ARHGAP32: variants seen among roughly 807,000 people sequenced by gnomAD.
The protein encoded by ARHGAP32 is Rho GTPase activating protein 32.
A neutral mutation model predicts 186.5 loss-of-function variants in ARHGAP32; 51 were observed. The ratio of observed to expected loss-of-function variants is 0.27; its 90% CI spans 0.22 to 0.35. The LOEUF is 0.35. Among genes scored for constraint, ARHGAP32 ranks in the 10% least tolerant of loss-of-function variants. The pLI, the probability that ARHGAP32 is intolerant of heterozygous loss-of-function variation, is 1.00. For missense variants in ARHGAP32, 2,186 were observed against 2,623.5 expected, an observed-to-expected ratio of 0.83 and a Z score of 3.64; for synonymous variants, 950 against 964.3, an observed-to-expected ratio of 0.99 and a Z score of 0.27.
chr11:129,018,502 G>A lies in ARHGAP32; in HGVS notation c.1046-20034C>T, dbSNP rs554616248. On this transcript the variant is annotated intron_variant, in intron 11 of 22. Transcript: ENST00000682385. ...TTTATTAAAAGGAATATTGCCAAGA[G>A]TTGTAAAACTAAACTTATCTTTAGC... is the stretch of plus-strand genomic sequence containing the variant. Among the ~76,000 whole-genome samples the A allele has an allele frequency of 2.2e-4, 34 of 152,320 alleles. No individual in the cohort carries two copies. In the South Asian group the frequency reaches 6.8e-3, roughly 31 times the overall value.
chr11:129,129,360 C>T (rs558636142), intron 2 of ARHGAP32, among the ~76,000 whole-genome samples: 5 of 151,652 alleles, frequency 3.3e-5, no homozygotes, highest in East Asian at 2.0e-4. Flanking sequence ...GCAGCCGCCC[C>T]GTCTGGGAAG....
chr11:128,970,156 G>A lies in ARHGAP32; in HGVS notation c.5057C>T (p.Ala1686Val). 1 of 1,614,210 alleles carries A rather than the reference G, an allele frequency of 6.2e-7. No homozygotes were observed. The highest frequency in any genetic ancestry group is 8.5e-7 in the Non-Finnish European group (1 of 1,180,032). Residue 1686 changes from alanine (A) to valine (V), a missense_variant, in exon 23 of 23, where the codon GCC (alanine) becomes GTC (valine). By Grantham distance (64) the Ala-to-Val change is moderately conservative. Coordinates refer to ENST00000682385, the MANE Select transcript of ARHGAP32 (RefSeq NM_001378024.1). The surrounding 1 kb of genome is among the most constrained non-coding windows in gnomAD (Gnocchi z 5.8). ...SPDGALCDVD[A>V]YGTVQLRPLH... ...GGGTCTCAACTGGACTGTGCCATAG[G>A]CATCCACATCACACAGGGCCCCATC... is the stretch of plus-strand genomic sequence containing the variant.
chr11:129,143,395 T>A (rs575371702), intron 2 of ARHGAP32, among the ~76,000 whole-genome samples: 1 of 152,128 alleles, frequency 6.6e-6, no homozygotes, highest in African/African-American at 2.4e-5. Context: ...AAACAATGTA[T>A]AAGTTTTAAA....
chr11:129,264,743 G>C (rs993177628), intron 1 of ARHGAP32, among the ~76,000 whole-genome samples: 9 of 152,112 alleles, frequency 5.9e-5, no homozygotes, highest in Non-Finnish European at 7.4e-5. Flanking sequence ...TAGATCAAAG[G>C]GACATAAAAT....
chr11:128,995,792 T>C (rs1171804254), intron 12 of ARHGAP32, among the ~76,000 whole-genome samples: 1 of 152,244 alleles, frequency 6.6e-6, no homozygotes, highest in Admixed American at 6.5e-5. Context: ...TGAGCTGCGA[T>C]TGGGCCACTG....
chr11:128,995,265 G>A (rs536209922), intron 12 of ARHGAP32, among the ~76,000 whole-genome samples: 409 of 152,150 alleles, frequency 2.7e-3, no homozygotes, highest in African/African-American at 9.4e-3. Flanking sequence ...GGAATGCAGT[G>A]GCAAGATGAT....
intron 6 of ARHGAP32, among the ~76,000 whole-genome samples, chr11:129,070,905 T>C (rs1280789089): frequency 6.6e-6 from 1 of 152,068 alleles, no homozygotes; most frequent in Non-Finnish European, 1.5e-5. Flanking sequence ...CAATTTCATA[T>C]TTCTCAGTCA....
chr11:129,234,838 A>G (rs989109546), intron 1 of ARHGAP32, among the ~76,000 whole-genome samples: 12 of 152,068 alleles, frequency 7.9e-5, no homozygotes, highest in African/African-American at 2.4e-4. Flanking sequence ...AAACAAACAA[A>G]AAAACACAGG....
intron 8 of ARHGAP32, 110 bp downstream of exon 8, chr11:129,064,731 C>T (rs1940629106): frequency 1.3e-6 from 1 of 778,538 alleles, no homozygotes; most frequent in Non-Finnish European, 2.1e-6. Context: ...GAATATACTT[C>T]ATTTCTTTGA....
intron 11 of ARHGAP32, among the ~76,000 whole-genome samples, chr11:129,002,001 T>C (rs902439274): frequency 1.3e-5 from 2 of 152,166 alleles, no homozygotes; most frequent in South Asian, 2.1e-4. Context: ...GTTTTGGTTA[T>C]TGTAACTCTG....
intron 11 of ARHGAP32, among the ~76,000 whole-genome samples, chr11:129,037,040 A>G (rs1939372163): frequency 6.6e-6 from 1 of 152,246 alleles, no homozygotes; most frequent in African/African-American, 2.4e-5. Flanking sequence ...CAACATACAA[A>G]AATTATATTC....
chr11:129,269,257 T>A (rs1419510410), intron 1 of ARHGAP32, among the ~76,000 whole-genome samples: 1 of 151,618 alleles, frequency 6.6e-6, no homozygotes, highest in Non-Finnish European at 1.5e-5. Flanking sequence ...GGTGACAAAA[T>A]GAGGCCCTCT....
In ARHGAP32 at chr11:129,177,589, A is replaced by G. The variant is rs528652661; in HGVS notation, c.117-13162T>C. 4.2e-3 allele frequency among the ~76,000 whole-genome samples: 635 copies of G among 152,308 alleles called. 9 individuals are homozygous for G. Among genetic ancestry groups the G allele is most frequent in the African/African-American group, 0.014 (594 of 41,568 alleles). On this transcript the variant is annotated intron_variant, in intron 1 of 22. Transcript: ENST00000682385. ...CAGCACATCAAAAAGCTTATCCACC[A>G]TGATCAAGTGGGCTTCATCCCTGGG...
At chr11:128,987,971 T>C (rs1472981553) in intron 13 of ARHGAP32, 52 bp downstream of exon 13, 3 of 1,176,498 alleles carry the variant, frequency 2.5e-6, no homozygotes, top group Non-Finnish European at 3.7e-6. Context: ...TTTAAAATAT[T>C]TGCATTTTAA....
At chr11:129,279,543 T>TGCCCCCGCCGGAGCCCGCCGCCC (rs1945585094), upstream of ARHGAP32, among the ~76,000 whole-genome samples, 1 of 143,282 alleles carries the variant, frequency 7.0e-6, no homozygotes, top group Non-Finnish European at 1.5e-5. Context: ...GGCCGGCGCG[T>TGCCCCCGCCGGAGCCCGCCGCCC]GCCCCCGCCG....
At position 129,124,854 on chromosome 11, in the gene ARHGAP32, G is replaced by C. The variant is rs1942623606; in HGVS notation, c.266C>G (p.Thr89Ser). Residue 89 changes from threonine (T) to serine (S), a missense_variant, in exon 3 of 23, where the codon ACT becomes AGT. Thr to Ser is a moderately conservative substitution (Grantham distance 58, BLOSUM62 1). Around this residue, in one of 5 missense-constraint regions of ARHGAP32, gnomAD observed 108 missense variants for 116.8 expected, o/e 0.92. Transcript: ENST00000682385. ...ADVPEIPGDL[T>S]LKTCGSTASM... Reference sequence around the variant, plus strand: ...GGCTGTACTGCCACACGTCTTAAGAGTAAGATCTCCAGGAATCTCTGGAAC... The same window carrying C: ...GGCTGTACTGCCACACGTCTTAAGACTAAGATCTCCAGGAATCTCTGGAAC... 6.2e-7 allele frequency: 1 copy of C among 1,611,088 alleles called. No homozygotes were observed. Among genetic ancestry groups the C allele is most frequent in the Non-Finnish European group, 8.5e-7 (1 of 1,178,574 alleles).
At chr11:129,014,238 T>C (rs959195617) in intron 11 of ARHGAP32, among the ~76,000 whole-genome samples, 4 of 152,192 alleles carry the variant, frequency 2.6e-5, no homozygotes, top group African/African-American at 9.6e-5. Flanking sequence ...CTTTGCAGTA[T>C]GACACACGAC....
intron 19 of ARHGAP32, 101 bp downstream of exon 19, chr11:128,978,669 C>T: frequency 9.8e-6 from 12 of 1,225,770 alleles, no homozygotes; most frequent in South Asian, 3.7e-5. Flanking sequence ...CAACTGTGAA[C>T]ACGTTATGGA....
chr11:129,038,139 G>A (rs1404083877), intron 11 of ARHGAP32, among the ~76,000 whole-genome samples: 1 of 151,820 alleles, frequency 6.6e-6, no homozygotes, highest in Non-Finnish European at 1.5e-5. Context: ...ATCAATGGAA[G>A]AAAACTGGAA....
Sources: allele counts gnomAD v4.1 joint callset (sites outside exome capture counted in the v4.1 genomes callset), GRCh38; gene constraint gnomAD v4.1.1; regional missense constraint gnomAD v4.1.1; non-coding constraint Gnocchi (gnomAD v3.1); transcripts MANE v1.5; gene names NCBI Gene and HGNC (gene_info 2026-07-23, HGNC 2026-07-21).